KCNT2: variants seen among roughly 807,000 people sequenced by gnomAD.
The protein encoded by KCNT2 is potassium sodium-activated channel subfamily T member 2.
Under a neutral mutation model 153.8 loss-of-function variants are expected in KCNT2, and 67 were observed. The ratio of observed to expected loss-of-function variants is 0.44; its 90% CI spans 0.36 to 0.53. KCNT2 has a LOEUF of 0.53. KCNT2 is among the 20% of genes least tolerant of loss of function. The pLI, the probability that KCNT2 is intolerant of heterozygous loss-of-function variation, is 0.00. For missense variants in KCNT2, 975 were observed against 1,354.8 expected (o/e 0.72, Z 4.40); for synonymous variants, 500 against 458.8 (o/e 1.09, Z -1.15).
intron 1 of KCNT2, among the ~76,000 whole-genome samples, chr1:196,517,064 G>A (rs2148813783): frequency 6.6e-6 from 1 of 152,250 alleles, no homozygotes; most frequent in Non-Finnish European, 1.5e-5. Flanking sequence ...TGCCGTATTT[G>A]CTTACAGCCT....
At chr1:196,279,157 C>G in intron 25 of KCNT2, among the ~76,000 whole-genome samples, 1 of 152,280 alleles carries the variant, frequency 6.6e-6, no homozygotes, top group East Asian at 1.9e-4. Flanking sequence ...AGATCATGAT[C>G]GTGCTTAATT....
At chr1:196,508,641 G>A (rs942462353) in intron 1 of KCNT2, among the ~76,000 whole-genome samples, 32 of 152,170 alleles carry the variant, frequency 2.1e-4, no homozygotes, top group Admixed American at 1.9e-3. Flanking sequence ...GTGCCAACTA[G>A]CATTTCACAG....
chr1:196,427,106 G>T (rs986500559), intron 10 of KCNT2, among the ~76,000 whole-genome samples: 1 of 151,822 alleles, frequency 6.6e-6, no homozygotes, highest in African/African-American at 2.4e-5. Context: ...TTTCCTTTAT[G>T]AGTTATGATA....
chr1:196,442,737 A>C (rs1049856416), intron 8 of KCNT2, among the ~76,000 whole-genome samples: 2 of 151,868 alleles, frequency 1.3e-5, no homozygotes, highest in African/African-American at 4.8e-5. Context: ...AAATAAATAA[A>C]AATGTGAGAT....
chr1:196,366,164 A>ATT lies in KCNT2; in HGVS notation c.1403+6974_1403+6975dup, dbSNP rs533276852. ...TTATTTACTTATTTATTTAATTATT[A>ATT]TTTTTTTTTTTTGAGACAGAGTTTC... On this transcript the variant is annotated intron_variant, in intron 14 of 27. Coordinates refer to ENST00000294725, the MANE Select transcript of KCNT2 (RefSeq NM_198503.5). Among the ~76,000 whole-genome samples, 6 of 145,758 alleles carry ATT rather than the reference A, an allele frequency of 4.1e-5. No individual in the cohort carries two copies. In the East Asian group the frequency reaches 1.0e-3, roughly 24 times the overall value.
chr1:196,373,952 C>T (rs993774405), intron 13 of KCNT2, among the ~76,000 whole-genome samples: 5 of 151,656 alleles, frequency 3.3e-5, no homozygotes, highest in Non-Finnish European at 7.4e-5. Flanking sequence ...GAAATGAGAG[C>T]ACATGGGAAA....
intron 8 of KCNT2, among the ~76,000 whole-genome samples, chr1:196,436,508 A>G (rs1271913063): frequency 6.6e-6 from 1 of 151,480 alleles, no homozygotes; most frequent in Non-Finnish European, 1.5e-5. Flanking sequence ...ACAAATACAT[A>G]TTAGTTATTT....
At chr1:196,327,738 C>T (rs1664020028) in intron 18 of KCNT2, among the ~76,000 whole-genome samples, 1 of 147,582 alleles carries the variant, frequency 6.8e-6, no homozygotes, top group Admixed American at 6.8e-5. Context: ...GCAATCATCG[C>T]TCACTGAAAC....
chr1:196,228,293 A>G lies in KCNT2; in HGVS notation c.3339T>C (p.Ser1113=), dbSNP rs1653648012. Reference sequence around the variant, plus strand: ...AGATGCTGTTTCTTCGACTGGGCTCACTGTTTGGAAGGTAGGCCAGTGGAT... The same window carrying G: ...AGATGCTGTTTCTTCGACTGGGCTCGCTGTTTGGAAGGTAGGCCAGTGGAT... The part of the protein sequence containing the change: ...RPDPLAYLPN[S]EPSRRNSICN... The change falls in exon 28 of 28, where the codon AGT becomes AGC. Residue 1113 remains serine, a synonymous_variant. Transcript: ENST00000294725. The G allele has an allele frequency of 6.2e-7, 1 of 1,611,332 alleles. No homozygotes were observed. Among genetic ancestry groups the G allele is most frequent in the African/African-American group, 1.3e-5 (1 of 74,904 alleles).
chr1:196,384,114 A>G (rs1360760456), intron 13 of KCNT2, among the ~76,000 whole-genome samples: 1 of 152,162 alleles, frequency 6.6e-6, no homozygotes, highest in Non-Finnish European at 1.5e-5. Context: ...TTCATAATGC[A>G]TATGTATATC....
chr1:196,245,512 C>A (rs1045906968), intron 26 of KCNT2, among the ~76,000 whole-genome samples: 3 of 152,096 alleles, frequency 2.0e-5, no homozygotes, highest in African/African-American at 4.8e-5. Flanking sequence ...ACATCCTCAC[C>A]AAACAAAATA....
intron 14 of KCNT2, among the ~76,000 whole-genome samples, chr1:196,369,329 T>C (rs907486580): frequency 1.1e-4 from 17 of 152,126 alleles, no homozygotes; most frequent in Non-Finnish European, 2.4e-4. Context: ...TTATTTTTGT[T>C]TTTTTATTAT....
chr1:196,438,870 G>A (rs1383159809), intron 8 of KCNT2, among the ~76,000 whole-genome samples: 3 of 150,370 alleles, frequency 2.0e-5, no homozygotes, highest in African/African-American at 7.3e-5. Flanking sequence ...GTAATATTTT[G>A]AAAAAAAATC....
At chr1:196,384,099 A>G (rs1669741899) in intron 13 of KCNT2, among the ~76,000 whole-genome samples, 1 of 152,194 alleles carries the variant, frequency 6.6e-6, no homozygotes, top group East Asian at 1.9e-4. Flanking sequence ...GATTGGGTAA[A>G]TAAGTTCATA....
At chr1:196,566,671 A>G (rs1660153050) in intron 1 of KCNT2, among the ~76,000 whole-genome samples, 1 of 152,088 alleles carries the variant, frequency 6.6e-6, no homozygotes, top group Non-Finnish European at 1.5e-5. Context: ...AACTGTTTTT[A>G]TAGTTTTACC....
chr1:196,512,893 A>C (rs1681749361), intron 1 of KCNT2, among the ~76,000 whole-genome samples: 3 of 152,270 alleles, frequency 2.0e-5, no homozygotes, highest in African/African-American at 7.2e-5. Context: ...ACCTTTAATT[A>C]GATATTACTG....
Position 196,331,257 on chromosome 1 carries a change from C to T in KCNT2, c.2002G>A (p.Ala668Thr). Residue 668 changes from alanine (A) to threonine (T), a missense_variant, in exon 18 of 28, where the codon GCT becomes ACT. Ala to Thr is a moderately conservative substitution (Grantham distance 58). Coordinates refer to ENST00000294725, the MANE Select transcript of KCNT2 (RefSeq NM_198503.5). ...GGAGAATAAGGTGGGTAACCTTTAG[C>T]ATACCTGTAAAATAATACAAAATAT... is the stretch of plus-strand genomic sequence containing the variant. The part of the protein sequence containing the change: ...DEEMSSNLEY[A>T]KGYPPYSPYI... 6.6e-7 allele frequency: 1 copy of T among 1,521,440 alleles called. No homozygotes were observed. The highest frequency in any genetic ancestry group is 9.1e-7 in the Non-Finnish European group (1 of 1,096,834). 94.2% of individuals were successfully genotyped at this position (1,521,440 alleles called of 1,614,324 possible). A position where few individuals can be genotyped will look rare whatever the true frequency, so the allele number is the denominator to read the frequency against.
Position 196,345,604 on chromosome 1 carries a change from T to C in KCNT2, c.1404-3376A>G, listed in dbSNP as rs528422557. ...TGAAGACTAGTACAAAAGGTCTGAT[T>C]CATATTTTATAAAATCCCTCTGGTC... On this transcript the variant is annotated intron_variant, in intron 14 of 27. Transcript: ENST00000294725. 6.6e-5 allele frequency among the ~76,000 whole-genome samples: 10 copies of C among 152,270 alleles called. No homozygotes were observed. The East Asian group carries it at 1.9e-3, about 29-fold the overall frequency.
intron 1 of KCNT2, among the ~76,000 whole-genome samples, chr1:196,506,306 C>G (rs1681133370): frequency 6.6e-6 from 1 of 152,042 alleles, no homozygotes; most frequent in Non-Finnish European, 1.5e-5. Context: ...AAAGCAATGA[C>G]AACTCATAAC....
Sources: allele counts gnomAD v4.1 joint callset (sites outside exome capture counted in the v4.1 genomes callset), GRCh38; gene constraint gnomAD v4.1.1; transcripts MANE v1.5; gene names NCBI Gene and HGNC (gene_info 2026-07-23, HGNC 2026-07-21).